Variants in RTEL1 observed in about 807,000 individuals in gnomAD.
RTEL1 encodes the protein regulator of telomere length.
RTEL1 carries 86 observed loss-of-function variants against 162.2 expected under a neutral mutation model. The ratio of observed to expected loss-of-function variants is 0.53; its 90% CI spans 0.45 to 0.63. The LOEUF is 0.63. Among genes scored for constraint, RTEL1 ranks in the 30% least tolerant of loss-of-function variants. The probability of loss-of-function intolerance (pLI) is 0.00; values close to 1 mark genes in which losing one functional copy is unlikely to be tolerated. For synonymous variants in RTEL1, 958 were observed against 717.9 expected (o/e 1.33, Z -5.35); for missense variants, 1,941 against 1,750.2 (o/e 1.11, Z -1.95).
In RTEL1 at chr20:63,667,638, T is replaced by G; in HGVS notation, c.699+85T>G. On this transcript the variant is annotated intron_variant, in intron 8 of 34. Transcript: ENST00000360203. ...GAACAGCTGTCCGAGCCTTTGCTGC[T>G]TCAGGGCCTTAGATCAGCAGGCCTG... 5 of 1,115,456 alleles carry G rather than the reference T, an allele frequency of 4.5e-6. 1 individual carries two copies. The South Asian group carries it at 6.2e-5, about 14-fold the overall frequency. 69.1% of individuals were successfully genotyped at this position (1,115,456 alleles called of 1,614,324 possible). A position where few individuals can be genotyped will look rare whatever the true frequency, so the allele number is the denominator to read the frequency against.
At chr20:63,664,741 C>A (rs1416577760) in intron 6 of RTEL1, among the ~76,000 whole-genome samples, 4 of 152,206 alleles carry the variant, frequency 2.6e-5, no homozygotes, top group Non-Finnish European at 5.9e-5. Context: ...GAGTGGGCTG[C>A]AGCTCCTGGA....
chr20:63,688,485 G>A (rs571048758), intron 20 of RTEL1, 43 bp from the exon 21 acceptor site: 16 of 1,605,698 alleles, frequency 1.0e-5, no homozygotes, highest in East Asian at 8.9e-5. Context: ...TCGGATCGGC[G>A]GCGTGACCAG....
chr20:63,689,042 A>G lies in RTEL1; in HGVS notation c.1801-13A>G. ...GGGGGCTCCAGGCTCAGCCTCACCA[A>G]CTTTCCTTCCAGACCATCAGTGCTT... On this transcript the variant is annotated splice_polypyrimidine_tract_variant and intron_variant, in intron 21 of 34. Transcript: ENST00000360203. 6.2e-7 allele frequency: 1 copy of G among 1,609,614 alleles called. No individual in the cohort carries two copies. Among genetic ancestry groups the G allele is most frequent in the South Asian group, 1.1e-5 (1 of 91,048 alleles).
chr20:63,695,637 A>T lies in RTEL1; in HGVS notation c.3809A>T (p.Gln1270Leu), dbSNP rs2090960857. The T allele has an allele frequency of 6.2e-7, 1 of 1,611,454 alleles. No individual in the cohort carries two copies. Among genetic ancestry groups the T allele is most frequent in the African/African-American group, 1.3e-5 (1 of 75,050 alleles). The part of the protein sequence containing the change: ...CDFQRCQACW[Q>L]RHLQASRMCP... Reference sequence around the variant, plus strand: ...TTCCAGCGCTGCCAAGCCTGCTGGCAACGGCACCTTCAGGTTGGTGCCTGG... The same window carrying T: ...TTCCAGCGCTGCCAAGCCTGCTGGCTACGGCACCTTCAGGTTGGTGCCTGG... The change falls in exon 34 of 35, where the codon CAA becomes CTA. Residue 1270 changes from glutamine to leucine, a missense_variant. By Grantham distance (113) the Gln-to-Leu change is moderately radical (BLOSUM62 -2). Transcript: ENST00000360203.
intron 14 of RTEL1, among the ~76,000 whole-genome samples, chr20:63,685,148 G>A (rs953153829): frequency 3.3e-5 from 5 of 150,178 alleles, no homozygotes; most frequent in African/African-American, 1.2e-4. Context: ...TCAGCCTCCC[G>A]GAGTGCTGGG....
At chr20:63,690,257 G>C (rs375278695) in intron 25 of RTEL1, 37 bp from the exon 26 acceptor site, 25 of 1,602,798 alleles carry the variant, frequency 1.6e-5, no homozygotes, top group Non-Finnish European at 2.0e-5. Flanking sequence ...CCCCAGAGGA[G>C]CCAGAAATGG....
At chr20:63,690,495 T>TGGG in intron 26 of RTEL1, 54 bp downstream of exon 26, 1 of 594,928 alleles carries the variant, frequency 1.7e-6, no homozygotes, top group Non-Finnish European at 2.7e-6. Flanking sequence ...GCGGGCGGCG[T>TGGG]GGGGCGGGCA....
rs539518165 is a variant in RTEL1 at position 63,679,861 on chromosome 20, G to A, written c.1050G>A (p.Glu350=). Residue 350 remains glutamate (E), a synonymous_variant, in exon 13 of 35, where the codon GAG becomes GAA. Transcript: ENST00000360203. The part of the protein sequence containing the change: ...GVTKPGSYIF[E]LFAEAQITFQ... Reference sequence around the variant, plus strand: ...TTCTCCTCGGCAGCTACATCTTTGAGCTGTTTGCTGAAGCCCAGATCACGT... The same window carrying A: ...TTCTCCTCGGCAGCTACATCTTTGAACTGTTTGCTGAAGCCCAGATCACGT... 5.0e-6 allele frequency: 8 copies of A among 1,610,698 alleles called. No individual in the cohort carries two copies. Among genetic ancestry groups the A allele is most frequent in the African/African-American group, 2.7e-5 (2 of 74,854 alleles).
chr20:63,667,321 G>A (rs991077281), intron 7 of RTEL1, 148 bp from the exon 8 acceptor site: 24 of 691,808 alleles, frequency 3.5e-5, no homozygotes, highest in South Asian at 1.3e-4. Context: ...AGAAACTCAC[G>A]TGGACTCCCA....
chr20:63,664,508 G>A (rs2090085978), intron 6 of RTEL1, among the ~76,000 whole-genome samples: 1 of 152,160 alleles, frequency 6.6e-6, no homozygotes, highest in African/African-American at 2.4e-5. Context: ...GCTTCCGTCT[G>A]TGTTAGGCCT....
chr20:63,693,732 T>TCCA (rs1555813600), intron 30 of RTEL1, among the ~76,000 whole-genome samples: 2 of 1,076 alleles, frequency 1.9e-3, no homozygotes, highest in African/African-American at 9.6e-3. Context: ...CACCACCACC[T>TCCA]CCACCTCCAC....
At chr20:63,672,749 A>G (rs2146193952) in intron 9 of RTEL1, 128 bp downstream of exon 9, 3 of 765,916 alleles carry the variant, frequency 3.9e-6, no homozygotes, top group Middle Eastern at 2.9e-4. Flanking sequence ...CTGGGGACTG[A>G]GCACACCAGG....
chr20:63,694,087 C>G (rs996915873), intron 30 of RTEL1, among the ~76,000 whole-genome samples: 1 of 152,078 alleles, frequency 6.6e-6, no homozygotes, highest in Admixed American at 6.5e-5. Context: ...GACCCCAGAT[C>G]CCTTCTGGGC....
intron 1 of RTEL1, among the ~76,000 whole-genome samples, chr20:63,658,906 C>A (rs1297843542): frequency 6.6e-6 from 1 of 152,248 alleles, no homozygotes; most frequent in African/African-American, 2.4e-5. Flanking sequence ...GAGGTTCAGA[C>A]CCTCCGCTCT....
Position 63,685,611 on chromosome 20 carries a change from C to T in RTEL1, c.1266+14C>T. On this transcript the variant is annotated intron_variant, in intron 15 of 34. Transcript: ENST00000360203. Reference sequence around the variant, plus strand: ...CAGTCCTATAAGGTAGGGGCCACCTCCAGGAGGCAGGTGGAGGGCAGCCCT... The same window carrying T: ...CAGTCCTATAAGGTAGGGGCCACCTTCAGGAGGCAGGTGGAGGGCAGCCCT... 6.2e-7 allele frequency: 1 copy of T among 1,607,868 alleles called. No homozygotes were observed. The highest frequency in any genetic ancestry group is 8.5e-7 in the Non-Finnish European group (1 of 1,178,064).
intron 8 of RTEL1, among the ~76,000 whole-genome samples, chr20:63,671,630 C>G (rs908759705): frequency 6.6e-6 from 1 of 150,932 alleles, no homozygotes; most frequent in African/African-American, 2.4e-5. Context: ...TACAGGCGCC[C>G]GCCACCACGC....
At chr20:63,671,483 G>A (rs1194193850) in intron 8 of RTEL1, among the ~76,000 whole-genome samples, 1 of 151,836 alleles carries the variant, frequency 6.6e-6, no homozygotes, top group African/African-American at 2.4e-5. Flanking sequence ...ATCTTAATGT[G>A]TGAAATTTTT....
chr20:63,665,934 G>T, intron 6 of RTEL1, 70 bp from the exon 7 acceptor site: 1 of 1,459,812 alleles, frequency 6.9e-7, no homozygotes, highest in Admixed American at 1.7e-5. Context: ...TTCTGTCCTG[G>T]GCATCCCCCT....
At position 63,690,442 on chromosome 20, in the gene RTEL1, G is replaced by A. The variant is rs776744306; in HGVS notation, c.2413+1G>A. On this transcript the variant is annotated splice_donor_variant, in intron 26 of 34. Transcript: ENST00000360203. LOFTEE classifies it high-confidence loss of function. ...CCCAGCCTGAAGCAGAGGTCCTCAG[G>A]TGCGGACGGGCAGCGCTGGGTGGGC... 1 of 1,580,738 alleles carries A rather than the reference G, an allele frequency of 6.3e-7. No individual in the cohort carries two copies. The highest frequency in any genetic ancestry group is 1.8e-5 in the Admixed American group (1 of 56,406).
Sources: allele counts gnomAD v4.1 joint callset (sites outside exome capture counted in the v4.1 genomes callset), GRCh38; gene constraint gnomAD v4.1.1; transcripts MANE v1.5; gene names NCBI Gene and HGNC (gene_info 2026-07-23, HGNC 2026-07-21).